The following CSNK1G2 variants were observed in gnomAD, a reference collection of about 807,000 sequenced individuals.
The protein encoded by CSNK1G2 is casein kinase 1 gamma 2.
CSNK1G2 carries 11 observed loss-of-function variants against 48.0 expected under a neutral mutation model. The observed-to-expected ratio is 0.23, with a 90% CI of 0.14 to 0.38. CSNK1G2 has a LOEUF of 0.38. Among genes scored for constraint, CSNK1G2 ranks in the 10% least tolerant of loss-of-function variants. The probability of loss-of-function intolerance (pLI) is 1.00; values close to 1 mark genes in which losing one functional copy is unlikely to be tolerated. For missense variants in CSNK1G2, 446 were observed against 595.5 expected (o/e 0.75, Z 2.61); for synonymous variants, 337 against 254.1 (o/e 1.33, Z -3.10).
intron 1 of CSNK1G2, among the ~76,000 whole-genome samples, chr19:1,964,288 G>A: frequency 6.9e-6 from 1 of 144,474 alleles, no homozygotes; most frequent in Non-Finnish European, 1.5e-5. Flanking sequence ...GTGAGACCCT[G>A]TGTTAAAAAA....
At chr19:1,959,022 A>G (rs10425937) in intron 1 of CSNK1G2, among the ~76,000 whole-genome samples, 81,096 of 145,566 alleles carry the variant, frequency 0.56, 25,644 homozygotes, top group African/African-American at 0.87. Flanking sequence ...CTGCATCTCC[A>G]TCTGCTCCCA....
chr19:1,955,766 G>C (rs1259891581), intron 1 of CSNK1G2, among the ~76,000 whole-genome samples: 1 of 152,308 alleles, frequency 6.6e-6, no homozygotes, highest in South Asian at 2.1e-4. Flanking sequence ...CTGCTGCTCG[G>C]CTCCGGGCTC....
At chr19:1,959,315 C>CA (rs1223251022) in intron 1 of CSNK1G2, 1 of 152,310 alleles carries the variant, frequency 6.6e-6, no homozygotes, top group African/African-American at 2.4e-5. Context: ...TGAGTGTCCC[C>CA]ACTCCCTTGT....
Position 1,951,399 on chromosome 19 carries a change from T to C in CSNK1G2, c.-266+9981T>C, listed in dbSNP as rs561395217. ...GCCTGGGCGACAGAGTGAGACTCCG[T>C]CTCAAAAAAAAAATAAAAAAAATCA... On this transcript the variant is annotated intron_variant, in intron 1 of 11. Coordinates refer to ENST00000255641, the MANE Select transcript of CSNK1G2 (RefSeq NM_001319.7). Among the ~76,000 whole-genome samples, 324 of 141,028 alleles carry C rather than the reference T, an allele frequency of 2.3e-3. 23 individuals carry two copies. Among genetic ancestry groups the C allele is most frequent in the Non-Finnish European group, 3.5e-3 (233 of 66,300 alleles). 92.5% of individuals were successfully genotyped at this position (141,028 alleles called of 152,430 possible). A position where few individuals can be genotyped will look rare whatever the true frequency, so the allele number is the denominator to read the frequency against.
At chr19:1,965,836 T>G (rs4807180) in intron 1 of CSNK1G2, among the ~76,000 whole-genome samples, 32,320 of 151,704 alleles carry the variant, frequency 0.21, 5,723 homozygotes, top group African/African-American at 0.49. Context: ...TCACTGTGTC[T>G]CCCAGGCTGC....
rs1050035466 is a variant in CSNK1G2, at chr19:1,980,556, C to A, written c.*353C>A. 2 of 312,998 alleles carry A rather than the reference C, an allele frequency of 6.4e-6. No homozygotes were observed. Among genetic ancestry groups the A allele is most frequent in the African/African-American group, 4.5e-5 (2 of 44,758 alleles). 19.4% of individuals were successfully genotyped at this position (312,998 alleles called of 1,614,324 possible). On this transcript the variant is annotated 3_prime_UTR_variant, in exon 12 of 12. Transcript: ENST00000255641. Reference sequence around the variant, plus strand: ...GTGAGTAGTGTGATCCTGGAGGCCCCCCGGCCTGGCCCCGCCCCGCCAGCC... The same window carrying A: ...GTGAGTAGTGTGATCCTGGAGGCCCACCGGCCTGGCCCCGCCCCGCCAGCC...
chr19:1,979,855 G>C lies in CSNK1G2; in HGVS notation c.1086+20G>C, dbSNP rs537421439. On this transcript the variant is annotated intron_variant, in intron 10 of 11. Coordinates refer to ENST00000255641, the MANE Select transcript of CSNK1G2 (RefSeq NM_001319.7). ...AACCAGGTGAGGCCCGGGCGGGACC[G>C]ACCGCCCCAGGGAGGGGCATGGGCG... 6.2e-7 allele frequency: 1 copy of C among 1,601,848 alleles called. No individual in the cohort carries two copies. Among genetic ancestry groups the C allele is most frequent in the South Asian group, 1.1e-5 (1 of 89,804 alleles).
At position 1,979,239 on chromosome 19, in the gene CSNK1G2, G is replaced by A; in HGVS notation, c.759G>A (p.Gln253=). The A allele has an allele frequency of 6.4e-7, 1 of 1,557,274 alleles. No homozygotes were observed. Residue 253 remains glutamine, a synonymous_variant, in exon 7 of 12, where the codon CAG becomes CAA. Transcript: ENST00000255641. ...MYFLRGSLPW[Q]GLKADTLKER... Reference sequence around the variant, plus strand: ...TCCTGCGCGGCAGCCTCCCCTGGCAGGGGCTCAAGGTGGGCGAGGAGGCCG... The same window carrying A: ...TCCTGCGCGGCAGCCTCCCCTGGCAAGGGCTCAAGGTGGGCGAGGAGGCCG...
chr19:1,970,792 CGTG>C (rs971938280), intron 2 of CSNK1G2, among the ~76,000 whole-genome samples: 3 of 152,318 alleles, frequency 2.0e-5, no homozygotes, highest in South Asian at 4.1e-4. Flanking sequence ...CAGTGTCTGT[CGTG>C]GTGGGAATCA....
In CSNK1G2 at chr19:1,978,005, G is replaced by A. The variant is rs547357079; in HGVS notation, c.188-300G>A. On this transcript the variant is annotated intron_variant, in intron 2 of 11. Coordinates refer to ENST00000255641, the MANE Select transcript of CSNK1G2 (RefSeq NM_001319.7). The surrounding 1 kb of genome is among the most constrained non-coding windows in gnomAD (Gnocchi z 7.3). ...GAGCCCTTGGGGCTGCCTGCAGGCC[G>A]TGAGAGACCTCCCCAGTGCCGCTTC... is the stretch of plus-strand genomic sequence containing the variant. Among the ~76,000 whole-genome samples the A allele has an allele frequency of 6.6e-6, 1 of 151,544 alleles. No homozygotes were observed. Among genetic ancestry groups the A allele is most frequent in the East Asian group, 2.0e-4 (1 of 5,112 alleles).
At chr19:1,952,001 C>G (rs1266101850) in intron 1 of CSNK1G2, among the ~76,000 whole-genome samples, 1 of 152,174 alleles carries the variant, frequency 6.6e-6, no homozygotes, top group Non-Finnish European at 1.5e-5. Flanking sequence ...TTTTCTGACT[C>G]AACATCATGA....
intron 2 of CSNK1G2, among the ~76,000 whole-genome samples, chr19:1,971,484 CACACGTGCAG>C (rs2015567098): frequency 6.6e-6 from 1 of 152,268 alleles, no homozygotes; most frequent in Non-Finnish European, 1.5e-5. Context: ...CACGCTCAGA[CACACGTGCAG>C]ACACATGCAG....
intron 1 of CSNK1G2, among the ~76,000 whole-genome samples, chr19:1,955,445 C>T (rs545470916): frequency 3.9e-4 from 59 of 151,098 alleles, no homozygotes; most frequent in South Asian, 1.0e-3. Flanking sequence ...TGCCCTTCAC[C>T]GGCTGTGGGT....
chr19:1,958,356 G>A (rs986379084), intron 1 of CSNK1G2, among the ~76,000 whole-genome samples: 44 of 151,960 alleles, frequency 2.9e-4, no homozygotes, highest in African/African-American at 1.0e-3. Context: ...TCAGCAGTGG[G>A]GGCCGTGGGG....
intron 2 of CSNK1G2, among the ~76,000 whole-genome samples, chr19:1,973,370 G>A (rs1052054263): frequency 6.6e-6 from 1 of 152,066 alleles, no homozygotes; most frequent in African/African-American, 2.4e-5. Flanking sequence ...ACAGGTGCCT[G>A]CCACCACGCC....
chr19:1,969,146 C>T (rs1361560007), intron 1 of CSNK1G2, among the ~76,000 whole-genome samples: 1 of 152,200 alleles, frequency 6.6e-6, no homozygotes, highest in Non-Finnish European at 1.5e-5. Flanking sequence ...TGCGACTGCT[C>T]CCCTGGCTTC....
At chr19:1,946,266 G>A (rs12977334) in intron 1 of CSNK1G2, among the ~76,000 whole-genome samples, 106,296 of 147,512 alleles carry the variant, frequency 0.72, 38,667 homozygotes, top group South Asian at 0.8. Flanking sequence ...CTATTTATTC[G>A]TTTATTTATT....
At chr19:1,960,720 T>C (rs2015169989) in intron 1 of CSNK1G2, among the ~76,000 whole-genome samples, 1 of 152,078 alleles carries the variant, frequency 6.6e-6, no homozygotes, top group African/African-American at 2.4e-5. Flanking sequence ...AAACCTTGTC[T>C]CTACCAGAAA....
At chr19:1,948,241 C>T (rs1342624884) in intron 1 of CSNK1G2, among the ~76,000 whole-genome samples, 5 of 152,150 alleles carry the variant, frequency 3.3e-5, no homozygotes, top group Non-Finnish European at 5.9e-5. Flanking sequence ...TTAACGATCC[C>T]GGCCGGGCGT....
Sources: allele counts gnomAD v4.1 joint callset (sites outside exome capture counted in the v4.1 genomes callset), GRCh38; gene constraint gnomAD v4.1.1; non-coding constraint Gnocchi (gnomAD v3.1); transcripts MANE v1.5; gene names NCBI Gene and HGNC (gene_info 2026-07-23, HGNC 2026-07-21).